ANO10: variants seen among roughly 807,000 people sequenced by gnomAD.
The protein encoded by ANO10 is anoctamin 10, also known as anoctamin-10.
In ANO10, 77 loss-of-function variants were observed where a neutral mutation model predicts 74.7. That is an observed-to-expected ratio of 1.03 (90% CI 0.86 to 1.25). ANO10 has a LOEUF of 1.25. Ranked by LOEUF, ANO10 falls within the 50% of genes most tolerant of loss-of-function variation. ANO10 has a pLI of 0.00. For synonymous variants in ANO10, 279 were observed against 284.9 expected, an observed-to-expected ratio of 0.98 and a Z score of 0.21; for missense variants, 721 against 778.1, an observed-to-expected ratio of 0.93 and a Z score of 0.87.
chr3:43,560,145 G>A (rs1255102398), intron 9 of ANO10, among the ~76,000 whole-genome samples: 8 of 152,080 alleles, frequency 5.3e-5, no homozygotes, highest in Non-Finnish European at 8.8e-5. Flanking sequence ...CTTCAAAGGA[G>A]GCTTTAAAAA....
intron 12 of ANO10, among the ~76,000 whole-genome samples, chr3:43,430,984 C>G (rs1294293692): frequency 6.6e-6 from 1 of 151,748 alleles, no homozygotes; most frequent in African/African-American, 2.4e-5. Flanking sequence ...AAAAGAAACA[C>G]GATTTTAGAT....
intron 11 of ANO10, among the ~76,000 whole-genome samples, chr3:43,518,456 A>G (rs922043670): frequency 2.6e-5 from 4 of 152,182 alleles, no homozygotes; most frequent in Admixed American, 6.5e-5. Flanking sequence ...TTTGAACAAT[A>G]TGAAATCTGG....
chr3:43,412,037 A>G (rs1016792601), intron 12 of ANO10, among the ~76,000 whole-genome samples: 2 of 148,062 alleles, frequency 1.4e-5, no homozygotes, highest in South Asian at 2.1e-4. Flanking sequence ...CATATTTTAT[A>G]TATTTGTAAA....
chr3:43,411,052 T>C (rs900098664), intron 12 of ANO10, among the ~76,000 whole-genome samples: 3 of 152,060 alleles, frequency 2.0e-5, no homozygotes, highest in Admixed American at 6.6e-5. Context: ...ATCTCTGGTA[T>C]GTGTACACTT....
At chr3:43,636,986 G>A (rs2083616984) in intron 1 of ANO10, among the ~76,000 whole-genome samples, 1 of 151,886 alleles carries the variant, frequency 6.6e-6, no homozygotes, top group African/African-American at 2.4e-5. Flanking sequence ...AAAATGATGA[G>A]ACTCTGTCTC....
chr3:43,603,471 A>G (rs1027965303), intron 2 of ANO10, among the ~76,000 whole-genome samples: 38 of 151,740 alleles, frequency 2.5e-4, no homozygotes, highest in African/African-American at 9.0e-4. Flanking sequence ...TTCCTAAAGG[A>G]TTTTTATAAT....
chr3:43,513,095 T>C (rs1575311106), intron 11 of ANO10, among the ~76,000 whole-genome samples: 3 of 152,160 alleles, frequency 2.0e-5, no homozygotes, highest in Admixed American at 2.0e-4. Context: ...AAGTTTTCAG[T>C]AGAGGTCTTA....
upstream of ANO10, among the ~76,000 whole-genome samples, chr3:43,623,452 G>A (rs1035935015): frequency 6.6e-6 from 1 of 152,170 alleles, no homozygotes; most frequent in Non-Finnish European, 1.5e-5. Context: ...ATCTTGGAAT[G>A]TATCTCCCAC....
Position 43,522,333 on chromosome 3 carries a change from TA to T in ANO10, c.1797+27386del, listed in dbSNP as rs565199949. 9.2e-4 allele frequency among the ~76,000 whole-genome samples: 140 copies of T among 151,956 alleles called. 1 individual carries two copies. Among genetic ancestry groups the T allele is most frequent in the Non-Finnish European group, 1.6e-3 (106 of 67,924 alleles). On this transcript the variant is annotated intron_variant, in intron 11 of 12. Coordinates refer to ENST00000292246, the MANE Select transcript of ANO10 (RefSeq NM_018075.5). ...ATTTTACCATGATAAAAAAATACATTAAAAAAAAGCTCTACAGCTATTTCTG... is the reference window on the plus strand; with the variant it reads ...ATTTTACCATGATAAAAAAATACATTAAAAAAAGCTCTACAGCTATTTCTG...
intron 1 of ANO10, among the ~76,000 whole-genome samples, chr3:43,656,463 G>A (rs1020081541): frequency 1.3e-5 from 2 of 152,222 alleles, no homozygotes; most frequent in African/African-American, 2.4e-5. Flanking sequence ...GGGACTGGGC[G>A]CCATGGAGCA....
chr3:43,432,142 C>G (rs571294221), intron 12 of ANO10, among the ~76,000 whole-genome samples: 1 of 141,256 alleles, frequency 7.1e-6, no homozygotes, highest in African/African-American at 2.6e-5. Context: ...TTTGTAGTCT[C>G]TGGTAGAATG....
At chr3:43,428,796 CAAAAA>C (rs56213626) in intron 12 of ANO10, among the ~76,000 whole-genome samples, 8 of 55,442 alleles carry the variant, frequency 1.4e-4, no homozygotes, top group African/African-American at 3.4e-4. Flanking sequence ...TTTGTGAATG[CAAAAA>C]AAAAAAAAAA....
At chr3:43,612,901 C>G (rs1030699353) in intron 1 of ANO10, among the ~76,000 whole-genome samples, 2 of 152,158 alleles carry the variant, frequency 1.3e-5, no homozygotes, top group Admixed American at 6.5e-5. Flanking sequence ...GGCACGGTGG[C>G]TCACGCCTAT....
chr3:43,587,186 A>G (rs2081518444), intron 4 of ANO10, among the ~76,000 whole-genome samples: 1 of 152,246 alleles, frequency 6.6e-6, no homozygotes, highest in Admixed American at 6.5e-5. Flanking sequence ...GAGTGCCTAC[A>G]TTCAAACTTC....
At chr3:43,485,358 C>G in intron 11 of ANO10, 3 of 472,176 alleles carry the variant, frequency 6.4e-6, no homozygotes, top group Non-Finnish European at 1.2e-5. Context: ...TCCAGGGAGG[C>G]GCCCATTGCC....
chr3:43,598,456 G>A, intron 4 of ANO10, 76 bp downstream of exon 4: 1 of 1,450,464 alleles, frequency 6.9e-7, no homozygotes, highest in Non-Finnish European at 9.5e-7. Flanking sequence ...AAGTTCTTCT[G>A]TAAGAGGGAA....
At chr3:43,405,819 T>G (rs1011845059) in intron 12 of ANO10, among the ~76,000 whole-genome samples, 2 of 152,166 alleles carry the variant, frequency 1.3e-5, no homozygotes, top group Admixed American at 6.5e-5. Flanking sequence ...AAATATATAC[T>G]TATCATTGCC....
intron 1 of ANO10, among the ~76,000 whole-genome samples, chr3:43,648,613 G>A (rs1177912165): frequency 6.6e-6 from 1 of 151,542 alleles, no homozygotes; most frequent in Non-Finnish European, 1.5e-5. Flanking sequence ...GTGTAGCGGT[G>A]AGGGTGATCG....
At chr3:43,493,006 T>C (rs1273181624) in intron 11 of ANO10, among the ~76,000 whole-genome samples, 2 of 152,234 alleles carry the variant, frequency 1.3e-5, no homozygotes, top group Non-Finnish European at 2.9e-5. Context: ...ATTACGGCAC[T>C]ATTCACAATA....
Sources: allele counts gnomAD v4.1 joint callset (sites outside exome capture counted in the v4.1 genomes callset), GRCh38; gene constraint gnomAD v4.1.1; transcripts MANE v1.5; gene names NCBI Gene and HGNC (gene_info 2026-07-23, HGNC 2026-07-21).